ARID4B: variants seen among roughly 807,000 people sequenced by gnomAD.
ARID4B encodes the protein AT-rich interactive domain-containing protein 4B.
A neutral mutation model predicts 147.5 loss-of-function variants in ARID4B; 26 were observed. The ratio of observed to expected loss-of-function variants is 0.18; its 90% confidence interval spans 0.13 to 0.24. The LOEUF is 0.24. Ranked by LOEUF, ARID4B falls within the 10% of genes least tolerant of loss-of-function variation. ARID4B has a pLI of 1.00. For missense variants in ARID4B, 1,179 were observed against 1,511.5 expected (o/e 0.78, Z 3.65); for synonymous variants, 512 against 507.9 (o/e 1.01, Z -0.11).
chr1:235,239,525 G>C (rs1417374080), intron 8 of ARID4B, among the ~76,000 whole-genome samples: 1 of 152,166 alleles, frequency 6.6e-6, no homozygotes, highest in South Asian at 2.1e-4. Flanking sequence ...AAAGATATTA[G>C]TATATGTTCC....
Position 235,223,247 on chromosome 1 carries a change from G to A in ARID4B, c.984C>T (p.Asn328=). ...TTCGATATCCAAGTACAGGTCGTTTGTTAATAGGTGTACCTGTTACAGAAA... is the reference window on the plus strand; with the variant it reads ...TTCGATATCCAAGTACAGGTCGTTTATTAATAGGTGTACCTGTTACAGAAA... ...KFMEDRGTPI[N]KRPVLGYRNL... Residue 328 remains asparagine (N), a synonymous_variant, in exon 13 of 24, where the codon AAC becomes AAT. Coordinates refer to ENST00000264183, the MANE Select transcript of ARID4B (RefSeq NM_016374.6). 6.3e-7 allele frequency: 1 copy of A among 1,576,746 alleles called. No homozygotes were observed. The highest frequency in any genetic ancestry group is 1.2e-5 in the South Asian group (1 of 86,284).
intron 2 of ARID4B, among the ~76,000 whole-genome samples, chr1:235,289,092 T>C (rs1377804276): frequency 1.3e-5 from 2 of 152,216 alleles, no homozygotes; most frequent in African/African-American, 2.4e-5. Context: ...TACTTGCACA[T>C]GTGTGAGATA....
intron 2 of ARID4B, among the ~76,000 whole-genome samples, chr1:235,317,442 G>T (rs1674519698): frequency 6.6e-6 from 1 of 152,174 alleles, no homozygotes; most frequent in Admixed American, 6.6e-5. Flanking sequence ...AGTAAGCCAA[G>T]TATTGTTTTA....
At chr1:235,289,703 G>A (rs1238801158) in intron 2 of ARID4B, among the ~76,000 whole-genome samples, 1 of 148,618 alleles carries the variant, frequency 6.7e-6, no homozygotes, top group African/African-American at 2.5e-5. Flanking sequence ...CCAGCCTGGG[G>A]GACAGGAAGG....
At position 235,326,306 on chromosome 1, in the gene ARID4B, A is replaced by G. The variant is rs565008618; in HGVS notation, c.6+608T>C. 1.7e-4 allele frequency among the ~76,000 whole-genome samples: 26 copies of G among 152,306 alleles called. 1 individual carries two copies. The South Asian group carries it at 1.9e-3, about 11-fold the overall frequency. The stretch of plus-strand genomic sequence containing the variant: ...GACATCTAAGAGGAACCTGGCCATC[A>G]GTTTTCCACACATCATAATGCAACA... On this transcript the variant is annotated intron_variant, in intron 2 of 23. Coordinates refer to ENST00000264183, the MANE Select transcript of ARID4B (RefSeq NM_016374.6).
At chr1:235,238,673 T>C (rs1003134148) in intron 8 of ARID4B, among the ~76,000 whole-genome samples, 10 of 152,114 alleles carry the variant, frequency 6.6e-5, no homozygotes, top group African/African-American at 1.9e-4. Context: ...CTGGGCAGCA[T>C]AGGGAGACCT....
At chr1:235,207,292 A>G (rs192058379) in intron 17 of ARID4B, among the ~76,000 whole-genome samples, 216 of 152,364 alleles carry the variant, frequency 1.4e-3, no homozygotes, top group African/African-American at 4.8e-3. Context: ...GAAGAAGGAC[A>G]TAGAGAATTA....
chr1:235,242,324 A>G (rs1325714150), intron 7 of ARID4B, among the ~76,000 whole-genome samples: 16 of 152,224 alleles, frequency 1.1e-4, no homozygotes, highest in African/African-American at 2.4e-5. Flanking sequence ...GTAGGTAACA[A>G]TAAGAAAACT....
Position 235,227,373 on chromosome 1 carries a change from AAGC to A in ARID4B, c.897+1855_897+1857del, listed in dbSNP as rs1667896238. Among the ~76,000 whole-genome samples the A allele has an allele frequency of 3.3e-5, 5 of 152,304 alleles. No individual in the cohort carries two copies. In the South Asian group the frequency reaches 1.0e-3, roughly 32 times the overall value. On this transcript the variant is annotated intron_variant, in intron 11 of 23. Transcript: ENST00000264183. The stretch of plus-strand genomic sequence containing the variant: ...TGCTGATTTTAGCAATTTAAATAGA[AAGC>A]AGTCAGGGAGAAGACTGAAGCAGGG...
intron 2 of ARID4B, among the ~76,000 whole-genome samples, chr1:235,302,280 GAA>G (rs1491517971): frequency 6.0e-5 from 8 of 133,102 alleles, no homozygotes; most frequent in Non-Finnish European, 1.1e-4. Flanking sequence ...GGGAGGGGAG[GAA>G]GGAAGGAAGG....
Position 235,166,926 on chromosome 1 carries a change from C to T in ARID4B, c.*1599G>A, listed in dbSNP as rs1663004526. On this transcript the variant is annotated 3_prime_UTR_variant, in exon 24 of 24. Coordinates refer to ENST00000264183, the MANE Select transcript of ARID4B (RefSeq NM_016374.6). ...ATTCACAAACTATGGCATTTTATTTCAGAGCCTTTGCTTACATTTGTACAA... is the reference window on the plus strand; with the variant it reads ...ATTCACAAACTATGGCATTTTATTTTAGAGCCTTTGCTTACATTTGTACAA... 1 of 177,116 alleles carries T rather than the reference C, an allele frequency of 5.6e-6. No homozygotes were observed. The highest frequency in any genetic ancestry group is 2.0e-4 in the South Asian group (1 of 5,036). 11.0% of individuals were successfully genotyped at this position (177,116 alleles called of 1,614,324 possible). A position where few individuals can be genotyped will look rare whatever the true frequency, so the allele number is the denominator to read the frequency against.
intron 2 of ARID4B, among the ~76,000 whole-genome samples, chr1:235,273,215 G>C (rs913106883): frequency 6.6e-6 from 1 of 152,092 alleles, no homozygotes; most frequent in Non-Finnish European, 1.5e-5. Flanking sequence ...TTTCATGTGT[G>C]TGTATTTTTA....
chr1:235,214,480 G>C (rs1028297352), intron 16 of ARID4B, among the ~76,000 whole-genome samples: 3 of 152,008 alleles, frequency 2.0e-5, no homozygotes, highest in Non-Finnish European at 4.4e-5. Flanking sequence ...TTTAGAGACA[G>C]AGTCTTGCTC....
rs1668205774 is a variant in ARID4B, at chr1:235,231,182, C to A, written c.673G>T (p.Val225Phe). 6.4e-7 allele frequency: 1 copy of A among 1,564,714 alleles called. No individual in the cohort carries two copies. Among genetic ancestry groups the A allele is most frequent in the Non-Finnish European group, 8.7e-7 (1 of 1,153,310 alleles). ...ATTTCATGGACATCTTTTCTTGGAA[C>A]TGAAGTACTATATATTTTTTTTAAT... ...RSFKDGKFTS[V>F]PRKDVHEITS... The change falls in exon 10 of 24, where the codon GTT becomes TTT. Residue 225 changes from valine (V) to phenylalanine (F), a missense_variant. By Grantham distance (50) the Val-to-Phe change is conservative. Around this residue, in one of 10 missense-constraint regions of ARID4B, gnomAD observed 159 missense variants for 190.5 expected, o/e 0.83. Coordinates refer to ENST00000264183, the MANE Select transcript of ARID4B (RefSeq NM_016374.6).
intron 8 of ARID4B, among the ~76,000 whole-genome samples, chr1:235,235,585 G>GACC (rs1668500321): frequency 6.6e-6 from 1 of 152,114 alleles, no homozygotes; most frequent in South Asian, 2.1e-4. Flanking sequence ...TATTTTCTTG[G>GACC]TCACTTTATC....
At chr1:235,189,091 T>G (rs900458029) in intron 19 of ARID4B, among the ~76,000 whole-genome samples, 39 of 151,990 alleles carry the variant, frequency 2.6e-4, no homozygotes, top group South Asian at 2.1e-4. Context: ...AAAATTAAAC[T>G]AGTTTAATTT....
Position 235,213,951 on chromosome 1 carries a change from C to CTCTTCT in ARID4B, c.1653_1658dup (p.Glu552_Glu553dup), listed in dbSNP as rs577765532. 6.2e-7 allele frequency: 1 copy of CTCTTCT among 1,602,942 alleles called. No homozygotes were observed. The highest frequency in any genetic ancestry group is 2.2e-5 in the East Asian group (1 of 44,800). The stretch of plus-strand genomic sequence containing the variant: ...CATTGTTGTCATCATCATCTTCATC[C>CTCTTCT]TCTTCTTCTTCTTCCTCCTCCTCCT... On this transcript the variant is annotated inframe_insertion, in exon 17 of 24. Transcript: ENST00000264183.
At chr1:235,278,098 C>A (rs1313087024) in intron 2 of ARID4B, among the ~76,000 whole-genome samples, 1 of 152,148 alleles carries the variant, frequency 6.6e-6, no homozygotes, top group Non-Finnish European at 1.5e-5. Flanking sequence ...GGGTATGTAA[C>A]AGGCCTTCCA....
intron 6 of ARID4B, among the ~76,000 whole-genome samples, chr1:235,251,763 G>A (rs1669660085): frequency 1.3e-5 from 2 of 151,960 alleles, no homozygotes; most frequent in South Asian, 2.1e-4. Context: ...GAAATAGCTC[G>A]GCCACACTGT....
Sources: allele counts gnomAD v4.1 joint callset (sites outside exome capture counted in the v4.1 genomes callset), GRCh38; gene constraint gnomAD v4.1.1; regional missense constraint gnomAD v4.1.1; transcripts MANE v1.5; gene names NCBI Gene and HGNC (gene_info 2026-07-23, HGNC 2026-07-21).